The following ZNF536 variants were observed in gnomAD, a reference collection of about 807,000 sequenced individuals.
The protein encoded by ZNF536 is zinc finger protein 536.
A neutral mutation model predicts 84.5 loss-of-function variants in ZNF536; 13 were observed. The ratio of observed to expected loss-of-function variants is 0.15; its 90% CI spans 0.10 to 0.24. ZNF536 has a LOEUF of 0.24. ZNF536 is among the 10% of genes least tolerant of loss of function. ZNF536 has a pLI of 1.00. For synonymous variants in ZNF536, 811 were observed against 742.5 expected (o/e 1.09, Z -1.50); for missense variants, 1,536 against 1,747.5 (o/e 0.88, Z 2.16).
At chr19:30,332,386 G>A (rs1032142973) in intron 2 of ZNF536, among the ~76,000 whole-genome samples, 7 of 152,162 alleles carry the variant, frequency 4.6e-5, no homozygotes, top group African/African-American at 1.7e-4. Context: ...TTCCCTGGGA[G>A]CATGCACCTG....
chr19:30,351,796 C>T (rs2047938065), intron 2 of ZNF536, among the ~76,000 whole-genome samples: 1 of 152,222 alleles, frequency 6.6e-6, no homozygotes, highest in Admixed American at 6.5e-5. Context: ...ACTGTTTTAG[C>T]AGAAAGCCTG....
At chr19:30,479,516 G>C (rs755743864) in intron 2 of ZNF536, among the ~76,000 whole-genome samples, 6 of 152,200 alleles carry the variant, frequency 3.9e-5, no homozygotes, top group Non-Finnish European at 8.8e-5. Flanking sequence ...GACCAGATGT[G>C]GAAAAGGTCA....
At chr19:30,690,171 G>A (rs552743686) in intron 1 of ZNF536, among the ~76,000 whole-genome samples, 2 of 152,208 alleles carry the variant, frequency 1.3e-5, no homozygotes, top group Admixed American at 6.5e-5. Context: ...CTTACTGGGC[G>A]CACGGCTTTG....
In ZNF536 at chr19:30,444,693, C is replaced by A. The variant is rs749699610; in HGVS notation, c.1131C>A (p.Ile377=). ...ACTCCTTTGAGCACTGCTGCCAGATCTGCGGCCGGCGCTTCAAGGAGCCCT... is the reference window on the plus strand; with the variant it reads ...ACTCCTTTGAGCACTGCTGCCAGATATGCGGCCGGCGCTTCAAGGAGCCCT... ...HKDSFEHCCQ[I]CGRRFKEPWF... The change falls in exon 2 of 5, where the codon ATC becomes ATA. Residue 377 remains isoleucine, a synonymous_variant. Coordinates refer to ENST00000355537, the MANE Select transcript of ZNF536 (RefSeq NM_014717.3). 4 of 1,613,970 alleles carry A rather than the reference C, an allele frequency of 2.5e-6. No individual in the cohort carries two copies. The highest frequency in any genetic ancestry group is 2.2e-5 in the South Asian group (2 of 91,092).
chr19:30,460,623 G>T (rs1417971251), intron 2 of ZNF536, among the ~76,000 whole-genome samples: 2 of 152,258 alleles, frequency 1.3e-5, no homozygotes, highest in East Asian at 3.9e-4. Flanking sequence ...GCTAGGAAGT[G>T]ACAATGGACA....
intron 3 of ZNF536, among the ~76,000 whole-genome samples, chr19:30,542,628 C>G (rs372821806): frequency 6.6e-6 from 1 of 152,278 alleles, no homozygotes; most frequent in East Asian, 1.9e-4. Context: ...CAGAAGGCTA[C>G]CAGTGTTCGT....
chr19:30,582,839 C>T (rs1335186694), intron 1 of ZNF536, among the ~76,000 whole-genome samples: 2 of 152,282 alleles, frequency 1.3e-5, no homozygotes, highest in Admixed American at 1.3e-4. Flanking sequence ...GTGGGGGAAA[C>T]CATCCCCATG....
chr19:30,544,269 A>C (rs767035942), intron 3 of ZNF536, among the ~76,000 whole-genome samples: 8 of 152,182 alleles, frequency 5.3e-5, no homozygotes, highest in Non-Finnish European at 1.0e-4. Context: ...CTTTCATCCC[A>C]GTGCAGAAGG....
intron 3 of ZNF536, among the ~76,000 whole-genome samples, chr19:30,357,506 G>A (rs1395568903): frequency 1.3e-5 from 2 of 152,062 alleles, no homozygotes; most frequent in African/African-American, 4.8e-5. Flanking sequence ...AACCCTTTTC[G>A]GGTGCGGAGA....
intron 1 of ZNF536, among the ~76,000 whole-genome samples, chr19:30,251,192 A>G (rs529602276): frequency 6.6e-6 from 1 of 152,300 alleles, no homozygotes; most frequent in Non-Finnish European, 1.5e-5. Flanking sequence ...GGTTCCAGAT[A>G]GGCGTGGTTC....
At chr19:30,533,515 G>A (rs1294570753) in intron 2 of ZNF536, among the ~76,000 whole-genome samples, 2 of 147,330 alleles carry the variant, frequency 1.4e-5, no homozygotes, top group African/African-American at 2.6e-5. Context: ...ATGAGACGCT[G>A]TCTCAAAAAA....
At chr19:30,636,871 G>T (rs772967193) in intron 1 of ZNF536, among the ~76,000 whole-genome samples, 1 of 152,106 alleles carries the variant, frequency 6.6e-6, no homozygotes. Flanking sequence ...TCTCCTGTGC[G>T]TTCTGGCTAC....
At chr19:30,226,986 C>CAAA (rs373104006), upstream of ZNF536, among the ~76,000 whole-genome samples, 1,256 of 142,668 alleles carry the variant, frequency 8.8e-3, 5 homozygotes, top group Non-Finnish European at 0.014. This position sits in a 1 kb window ranked among gnomAD's most constrained non-coding sequence, Gnocchi z 4.6. Context: ...GTATTTTAGG[C>CAAA]AAAAAAAAAA....
chr19:30,637,078 C>T (rs2049094539), intron 1 of ZNF536, among the ~76,000 whole-genome samples: 1 of 152,232 alleles, frequency 6.6e-6, no homozygotes, highest in South Asian at 2.1e-4. Flanking sequence ...CATCCAGTGT[C>T]TTCCTGGTGA....
At chr19:30,304,445 G>A (rs2046286614) in intron 2 of ZNF536, among the ~76,000 whole-genome samples, 1 of 152,204 alleles carries the variant, frequency 6.6e-6, no homozygotes, top group African/African-American at 2.4e-5. Context: ...TGCAAGGAAA[G>A]CTGAGGTCCA....
chr19:30,282,520 C>T (rs899835822), intron 1 of ZNF536, among the ~76,000 whole-genome samples: 1 of 152,194 alleles, frequency 6.6e-6, no homozygotes, highest in African/African-American at 2.4e-5. Flanking sequence ...TTTACAGGGC[C>T]TCTAAGTGAA....
rs189895781 is a variant in ZNF536, at chr19:30,323,336, C to T, written c.-119-29032C>T. On this transcript the variant is annotated intron_variant, in intron 2 of 5. Transcript: ENST00000585628. ...CCCCACATTGACTACCCTTTCTCCT[C>T]GGGCACTTAACACCAGTCCAGCGAC... 4.6e-5 allele frequency among the ~76,000 whole-genome samples: 7 copies of T among 152,324 alleles called. No homozygotes were observed. In the East Asian group the frequency reaches 5.8e-4, roughly 13 times the overall value.
intron 2 of ZNF536, among the ~76,000 whole-genome samples, chr19:30,311,392 CT>C (rs1030845671): frequency 4.6e-5 from 7 of 152,212 alleles, no homozygotes; most frequent in African/African-American, 1.7e-4. Context: ...GAAGAAAGTT[CT>C]GAGATTTAAT....
At chr19:30,261,681 G>A (rs1398334933) in intron 1 of ZNF536, among the ~76,000 whole-genome samples, 1 of 139,924 alleles carries the variant, frequency 7.1e-6, no homozygotes, top group Admixed American at 7.3e-5. Context: ...CCTGGGCAAC[G>A]GAGTGGGACC....
Sources: allele counts gnomAD v4.1 joint callset (sites outside exome capture counted in the v4.1 genomes callset), GRCh38; gene constraint gnomAD v4.1.1; non-coding constraint Gnocchi (gnomAD v3.1); transcripts MANE v1.5; gene names NCBI Gene and HGNC (gene_info 2026-07-23, HGNC 2026-07-21).